The following RALGAPB variants were observed in gnomAD, a reference collection of about 807,000 sequenced individuals.
RALGAPB encodes ral GTPase-activating protein subunit beta.
RALGAPB carries 25 observed loss-of-function variants against 161.1 expected under a neutral mutation model. The ratio of observed to expected loss-of-function variants is 0.16; its 90% CI spans 0.11 to 0.22. RALGAPB has a LOEUF of 0.22. Among genes scored for constraint, RALGAPB ranks in the 10% least tolerant of loss-of-function variants. The probability of loss-of-function intolerance (pLI) is 1.00; values close to 1 mark genes in which losing one functional copy is unlikely to be tolerated. For synonymous variants in RALGAPB, 629 were observed against 626.1 expected, an observed-to-expected ratio of 1.00 and a Z score of -0.07; for missense variants, 1,391 against 1,815.2, an observed-to-expected ratio of 0.77 and a Z score of 4.25.
At chr20:38,532,166 C>T (rs1344046094) in intron 14 of RALGAPB, among the ~76,000 whole-genome samples, 4 of 152,182 alleles carry the variant, frequency 2.6e-5, no homozygotes. Context: ...TGCCATTCTT[C>T]TGCCTCAGCC....
At chr20:38,515,318 G>A (rs376858436) in intron 6 of RALGAPB, among the ~76,000 whole-genome samples, 40 of 152,284 alleles carry the variant, frequency 2.6e-4, no homozygotes, top group East Asian at 7.7e-4. Flanking sequence ...GTTTTGAAAG[G>A]CAGAGCATGT....
intron 9 of RALGAPB, 82 bp from the exon 10 acceptor site, chr20:38,521,415 A>G (rs2086284894): frequency 3.2e-6 from 5 of 1,576,160 alleles, no homozygotes; most frequent in East Asian, 2.3e-5. Context: ...AATGACACCA[A>G]TATTTGATCT....
intron 3 of RALGAPB, among the ~76,000 whole-genome samples, chr20:38,495,098 T>C (rs1028058346): frequency 6.6e-6 from 1 of 152,254 alleles, no homozygotes; most frequent in Non-Finnish European, 1.5e-5. Flanking sequence ...TGGTAAGTAT[T>C]GGTGTTATGA....
chr20:38,516,572 A>T (rs1299647098), intron 7 of RALGAPB: 1 of 548,022 alleles, frequency 1.8e-6, no homozygotes, highest in African/African-American at 1.9e-5. Flanking sequence ...TTGGTGCAAA[A>T]GTAATTGCGG....
In RALGAPB at chr20:38,541,209, A is replaced by C; in HGVS notation, c.2714+17A>C. The C allele has an allele frequency of 6.2e-7, 1 of 1,612,420 alleles. No individual in the cohort carries two copies. The highest frequency in any genetic ancestry group is 1.1e-5 in the South Asian group (1 of 90,922). ...CCTAACATGGTATGGAAGTGACCGC[A>C]CAGGGATTGTGCCTAGGAATTAGAT... On this transcript the variant is annotated intron_variant, in intron 18 of 29. Coordinates refer to ENST00000262879, the MANE Select transcript of RALGAPB (RefSeq NM_020336.4).
chr20:38,550,290 A>T (rs2087332104), intron 20 of RALGAPB, among the ~76,000 whole-genome samples: 1 of 152,264 alleles, frequency 6.6e-6, no homozygotes, highest in South Asian at 2.1e-4. Context: ...AACTTAAAGT[A>T]TCATAATAAA....
At chr20:38,574,101 G>T in intron 28 of RALGAPB, 49 bp from the exon 29 acceptor site, 1 of 1,536,858 alleles carries the variant, frequency 6.5e-7, no homozygotes, top group South Asian at 1.3e-5. Flanking sequence ...TGGGTGTCTC[G>T]GGGACTTCAA....
Position 38,574,235 on chromosome 20 carries a change from A to G in RALGAPB, c.4228A>G (p.Thr1410Ala), listed in dbSNP as rs766388406. Residue 1410 changes from threonine to alanine, a missense_variant, in exon 29 of 30, where the codon ACT becomes GCT. Transcript: ENST00000262879. ...GLFRIKIQGA[T>A]GKFNMVIPLV... is the part of the protein sequence containing the mutation. ...ATTCCGGATAAAAATTCAAGGAGCC[A>G]CTGGAAAATTTAATATGGTCATCCC... 3.7e-6 allele frequency: 6 copies of G among 1,613,852 alleles called. No individual in the cohort carries two copies. In the African/African-American group the frequency reaches 8.0e-5, roughly 22 times the overall value.
In RALGAPB at chr20:38,531,249, A is replaced by C; in HGVS notation, c.2115+18A>C. Reference sequence around the variant, plus strand: ...TGGAGATGGTAAGAAGCATACATGCAATCTGTCAGAGAATATCACTTTTGA... The same window carrying C: ...TGGAGATGGTAAGAAGCATACATGCCATCTGTCAGAGAATATCACTTTTGA... On this transcript the variant is annotated intron_variant, in intron 14 of 29. Transcript: ENST00000262879. The C allele has an allele frequency of 1.3e-6, 2 of 1,564,078 alleles. No homozygotes were observed. The highest frequency in any genetic ancestry group is 1.1e-5 in the South Asian group (1 of 89,172).
chr20:38,509,413 T>G (rs2085867537), intron 6 of RALGAPB, among the ~76,000 whole-genome samples: 1 of 152,224 alleles, frequency 6.6e-6, no homozygotes, highest in Admixed American at 6.5e-5. Context: ...TCAGCCGCTC[T>G]TGGTTTACAC....
chr20:38,475,645 C>T (rs2084781068), intron 1 of RALGAPB, among the ~76,000 whole-genome samples: 2 of 146,062 alleles, frequency 1.4e-5, no homozygotes, highest in South Asian at 2.1e-4. Context: ...GATGCAGTCT[C>T]GCTCTGTCCC....
At chr20:38,570,247 A>G (rs868547364) in intron 27 of RALGAPB, among the ~76,000 whole-genome samples, 1 of 152,146 alleles carries the variant, frequency 6.6e-6, no homozygotes, top group Non-Finnish European at 1.5e-5. Flanking sequence ...GCTTTTGGCT[A>G]TTCATGTTGG....
intron 11 of RALGAPB, among the ~76,000 whole-genome samples, chr20:38,525,162 G>T (rs2086419907): frequency 6.6e-6 from 1 of 152,150 alleles, no homozygotes; most frequent in African/African-American, 2.4e-5. Flanking sequence ...TTTTGGCCTG[G>T]TCTAGAAGGG....
In RALGAPB at chr20:38,554,034, T is replaced by C; in HGVS notation, c.3330T>C (p.Leu1110=). Residue 1110 remains leucine, a synonymous_variant, in exon 22 of 30, where the codon CTT becomes CTC. Coordinates refer to ENST00000262879, the MANE Select transcript of RALGAPB (RefSeq NM_020336.4). ...PPAQEFQTAR[L]FLSHFGFLSL... is the part of the protein sequence containing the mutation. ...CCCAGGAATTCCAAACAGCCCGCCT[T>C]TTTCTCTCACACTTTGGATTTTTGT... 2 of 1,613,812 alleles carry C rather than the reference T, an allele frequency of 1.2e-6. No individual in the cohort carries two copies. The highest frequency in any genetic ancestry group is 1.7e-6 in the Non-Finnish European group (2 of 1,179,798).
rs557448730 is a variant in RALGAPB, at chr20:38,534,346, T to A, written c.2246-728T>A. ...TCGCATGAGTGTCTCTCTTTAATGA[T>A]CATTCCTTTTTCTGTTGTCACTGCC... is the stretch of plus-strand genomic sequence containing the variant. On this transcript the variant is annotated intron_variant, in intron 15 of 29. Transcript: ENST00000262879. The A allele has an allele frequency of 5.2e-5, 8 of 152,702 alleles. No individual in the cohort carries two copies. The East Asian group carries it at 1.4e-3, about 26-fold the overall frequency. 9.5% of individuals were successfully genotyped at this position (152,702 alleles called of 1,614,324 possible). A position where few individuals can be genotyped will look rare whatever the true frequency, so the allele number is the denominator to read the frequency against.
chr20:38,562,263 G>A (rs962923577), intron 23 of RALGAPB, among the ~76,000 whole-genome samples: 1 of 152,140 alleles, frequency 6.6e-6, no homozygotes, highest in Non-Finnish European at 1.5e-5. Context: ...GGCTTTTCTT[G>A]CATTACTTCA....
At chr20:38,485,543 A>T (rs1293637958) in intron 1 of RALGAPB, among the ~76,000 whole-genome samples, 1 of 152,106 alleles carries the variant, frequency 6.6e-6, no homozygotes, top group Non-Finnish European at 1.5e-5. Flanking sequence ...CTCCTGCCTC[A>T]GCCTCCTGAG....
At chr20:38,519,566 C>T (rs899120628) in intron 9 of RALGAPB, among the ~76,000 whole-genome samples, 2 of 152,238 alleles carry the variant, frequency 1.3e-5, no homozygotes, top group African/African-American at 4.8e-5. Flanking sequence ...GCTTTGCTCA[C>T]CCTCTTGCAC....
At chr20:38,560,116 T>G (rs183722124) in intron 23 of RALGAPB, among the ~76,000 whole-genome samples, 38 of 152,256 alleles carry the variant, frequency 2.5e-4, no homozygotes, top group African/African-American at 7.5e-4. Flanking sequence ...GTTTTTTTTT[T>G]TTGTTATTGA....
Sources: gnomAD v4.1 joint callset for allele counts (sites outside exome capture counted in the v4.1 genomes callset) on GRCh38, gnomAD v4.1.1 for gene constraint, MANE v1.5 for transcripts, NCBI Gene and HGNC (gene_info 2026-07-23, HGNC 2026-07-21) for gene names.